APBB2: variants seen among roughly 807,000 people sequenced by gnomAD.
APBB2 encodes the protein amyloid beta precursor protein binding family B member 2.
APBB2 carries 38 observed loss-of-function variants against 82.5 expected under a neutral mutation model. The ratio of observed to expected loss-of-function variants is 0.46; its 90% CI spans 0.36 to 0.60. The LOEUF (loss-of-function observed/expected upper bound fraction) is 0.60, where lower values mean the gene tolerates loss of function less well. APBB2 is among the 20% of genes least tolerant of loss of function. The probability of loss-of-function intolerance (pLI) is 0.00; values close to 1 mark genes in which losing one functional copy is unlikely to be tolerated. For missense variants in APBB2, 772 were observed against 972.3 expected, an observed-to-expected ratio of 0.79 and a Z score of 2.74; for synonymous variants, 341 against 368.2, an observed-to-expected ratio of 0.93 and a Z score of 0.85.
rs1427394871 is a variant in APBB2, at chr4:41,065,655, G to C, written c.-130C>G. The stretch of plus-strand genomic sequence containing the variant: ...GCCTCGGCAGTTCCCAAGTCCTCAG[G>C]AAAGACTGAGATGGTTAGCTGTGGT... On this transcript the variant is annotated 5_prime_UTR_variant, in exon 4 of 18. Coordinates refer to ENST00000508593, the MANE Select transcript of APBB2 (RefSeq NM_004307.2). 1.3e-5 allele frequency: 2 copies of C among 150,474 alleles called. No individual in the cohort carries two copies. The highest frequency in any genetic ancestry group is 4.2e-4 in the South Asian group (2 of 4,732). 9.3% of individuals were successfully genotyped at this position (150,474 alleles called of 1,614,324 possible). A position where few individuals can be genotyped will look rare whatever the true frequency, so the allele number is the denominator to read the frequency against.
Position 41,054,478 on chromosome 4 carries a change from G to A in APBB2, c.-51+11098C>T, listed in dbSNP as rs1314869858. Among the ~76,000 whole-genome samples the A allele has an allele frequency of 3.3e-5, 5 of 152,148 alleles. No homozygotes were observed. The South Asian group carries it at 8.3e-4, about 25-fold the overall frequency. ...AGCCCTATGAGCAACAATGGAACAG[G>A]ATATGGGCAGTGAGTGGGCAATTAA... is the stretch of plus-strand genomic sequence containing the variant. On this transcript the variant is annotated intron_variant, in intron 4 of 17. Transcript: ENST00000508593.
intron 6 of APBB2, among the ~76,000 whole-genome samples, chr4:40,952,676 A>G (rs1790526430): frequency 6.6e-6 from 1 of 152,202 alleles, no homozygotes; most frequent in African/African-American, 2.4e-5. Context: ...AAAACAAAGC[A>G]TGTTTTCATA....
chr4:40,889,727 T>C (rs983906796), intron 12 of APBB2, among the ~76,000 whole-genome samples: 2 of 152,212 alleles, frequency 1.3e-5, no homozygotes, highest in African/African-American at 4.8e-5. Context: ...TTTCCAATCA[T>C]CCTGGAGAAC....
chr4:41,156,786 C>T lies in APBB2; in HGVS notation c.-416-13644G>A, dbSNP rs188081848. ...CCTCCTCTATAAAACAAGAATCAGA[C>T]GGGGCACAGTGGCTCACGCCTGTAA... is the stretch of plus-strand genomic sequence containing the variant. On this transcript the variant is annotated intron_variant, in intron 1 of 17. Coordinates refer to ENST00000508593, the MANE Select transcript of APBB2 (RefSeq NM_004307.2). Among the ~76,000 whole-genome samples the T allele has an allele frequency of 9.1e-4, 138 of 152,198 alleles. 1 individual carries two copies. The highest frequency in any genetic ancestry group is 7.7e-3 in the Admixed American group (118 of 15,284).
chr4:40,812,243 CGA>C lies in APBB2; in HGVS notation c.*3847_*3848del, dbSNP rs1344412968. On this transcript the variant is annotated 3_prime_UTR_variant, in exon 18 of 18. Transcript: ENST00000508593. ...ATAATTTAAAAATAACTAGAGACAC[CGA>C]GTTTCTATTTCTATTCCTTGTATAT... 2 of 152,122 alleles carry C rather than the reference CGA, an allele frequency of 1.3e-5. No homozygotes were observed. Among genetic ancestry groups the C allele is most frequent in the African/African-American group, 4.8e-5 (2 of 41,396 alleles). 9.4% of individuals were successfully genotyped at this position (152,122 alleles called of 1,614,324 possible). A position where few individuals can be genotyped will look rare whatever the true frequency, so the allele number is the denominator to read the frequency against.
Position 41,031,289 on chromosome 4 carries a change from C to G in APBB2, c.19+1947G>C, listed in dbSNP as rs572533234. On this transcript the variant is annotated intron_variant, in intron 5 of 17. Coordinates refer to ENST00000508593, the MANE Select transcript of APBB2 (RefSeq NM_004307.2). Reference sequence around the variant, plus strand: ...GCATGTTTGTTTTTAAAAGATGTCCCTGTAGTCACAGCTCCCTAGAGTTAG... The same window carrying G: ...GCATGTTTGTTTTTAAAAGATGTCCGTGTAGTCACAGCTCCCTAGAGTTAG... 2.1e-4 allele frequency among the ~76,000 whole-genome samples: 32 copies of G among 152,162 alleles called. No homozygotes were observed. In the South Asian group the frequency reaches 6.2e-3, roughly 30 times the overall value.
At chr4:40,880,793 C>T in intron 12 of APBB2, 2 of 985,416 alleles carry the variant, frequency 2.0e-6, no homozygotes, top group Non-Finnish European at 2.4e-6. Flanking sequence ...CTTGACACAA[C>T]AGCCTCAAGC....
intron 6 of APBB2, among the ~76,000 whole-genome samples, chr4:40,992,154 A>G (rs1802286342): frequency 7.1e-6 from 1 of 140,608 alleles, no homozygotes; most frequent in Non-Finnish European, 1.6e-5. Flanking sequence ...ACTGATTATC[A>G]ATGCAGCTGC....
intron 4 of APBB2, among the ~76,000 whole-genome samples, chr4:41,065,296 G>A (rs150653221): frequency 6.6e-6 from 1 of 151,928 alleles, no homozygotes; most frequent in Non-Finnish European, 1.5e-5. Context: ...AAAAAGAAAA[G>A]AAAAATTTGG....
At chr4:41,134,357 A>C (rs1374562118) in intron 2 of APBB2, among the ~76,000 whole-genome samples, 3 of 152,202 alleles carry the variant, frequency 2.0e-5, no homozygotes, top group East Asian at 3.9e-4. Flanking sequence ...AGGCGGGCTG[A>C]TCACAAGGTC....
intron 6 of APBB2, among the ~76,000 whole-genome samples, chr4:40,964,511 G>T (rs1028727395): frequency 2.7e-5 from 4 of 150,840 alleles, no homozygotes; most frequent in African/African-American, 9.9e-5. Context: ...CAGCAATATC[G>T]AGAGTGTATG....
At chr4:41,190,795 T>C (rs1312503202) in intron 1 of APBB2, among the ~76,000 whole-genome samples, 1 of 152,154 alleles carries the variant, frequency 6.6e-6, no homozygotes, top group East Asian at 1.9e-4. Context: ...CATAAAGTGG[T>C]TGCGCCATAC....
At chr4:40,866,177 C>T (rs1351254803) in intron 12 of APBB2, among the ~76,000 whole-genome samples, 1 of 152,348 alleles carries the variant, frequency 6.6e-6, no homozygotes, top group South Asian at 2.1e-4. Context: ...CGGCTTTATT[C>T]ATGGTTCATG....
At chr4:41,156,765 CT>C (rs1763559199) in intron 1 of APBB2, among the ~76,000 whole-genome samples, 1 of 152,036 alleles carries the variant, frequency 6.6e-6, no homozygotes, top group South Asian at 2.1e-4. Flanking sequence ...CAGTTTCCTC[CT>C]CTATAAAACA....
intron 10 of APBB2, among the ~76,000 whole-genome samples, chr4:40,929,773 A>G (rs939934786): frequency 3.3e-5 from 5 of 152,362 alleles, no homozygotes; most frequent in Admixed American, 6.5e-5. Flanking sequence ...TAATTTTGCA[A>G]TAAGTGACAG....
At chr4:41,068,896 A>G (rs1405926482) in intron 3 of APBB2, among the ~76,000 whole-genome samples, 2 of 147,968 alleles carry the variant, frequency 1.4e-5, no homozygotes, top group Non-Finnish European at 3.0e-5. Flanking sequence ...TCCTGGTTCA[A>G]GTAATTCTGC....
At chr4:41,022,075 G>A (rs184488873) in intron 5 of APBB2, among the ~76,000 whole-genome samples, 4 of 152,196 alleles carry the variant, frequency 2.6e-5, no homozygotes, top group Admixed American at 6.5e-5. Context: ...AGGGTCCGTG[G>A]CTTCATTCTT....
At position 40,810,154 on chromosome 4, in the gene APBB2, C is replaced by T. The variant is rs1258384984; in HGVS notation, c.*5938G>A. On this transcript the variant is annotated 3_prime_UTR_variant, in exon 18 of 18. Coordinates refer to ENST00000508593, the MANE Select transcript of APBB2 (RefSeq NM_004307.2). ...TCTTCTTCAAGATGAATACTTAGGT[C>T]TACTTCAGCTCTGATATTCTATTTT... 4 of 152,274 alleles carry T rather than the reference C, an allele frequency of 2.6e-5. No individual in the cohort carries two copies. The highest frequency in any genetic ancestry group is 2.1e-4 in the South Asian group (1 of 4,822). 9.4% of individuals were successfully genotyped at this position (152,274 alleles called of 1,614,324 possible).
At chr4:41,029,371 A>G (rs1715779987) in intron 5 of APBB2, among the ~76,000 whole-genome samples, 1 of 152,256 alleles carries the variant, frequency 6.6e-6, no homozygotes, top group African/African-American at 2.4e-5. Flanking sequence ...GGCAAAAGTT[A>G]TCAATAAGGC....
Sources: gnomAD v4.1 joint callset for allele counts (sites outside exome capture counted in the v4.1 genomes callset) on GRCh38, gnomAD v4.1.1 for gene constraint, MANE v1.5 for transcripts, NCBI Gene and HGNC (gene_info 2026-07-23, HGNC 2026-07-21) for gene names.